Variants in EPHA5 observed in about 807,000 individuals in gnomAD.
EPHA5 encodes the protein ephrin type-A receptor 5.
EPHA5 carries 60 observed loss-of-function variants against 105.0 expected under a neutral mutation model. That is an observed-to-expected ratio of 0.57 (90% CI 0.46 to 0.71). The LOEUF is 0.71. Ranked by LOEUF, EPHA5 falls within the 30% of genes least tolerant of loss-of-function variation. The pLI is 0.00. For synonymous variants in EPHA5, 513 were observed against 449.1 expected, an observed-to-expected ratio of 1.14 and a Z score of -1.80; for missense variants, 1,218 against 1,274.7, an observed-to-expected ratio of 0.96 and a Z score of 0.68.
intron 3 of EPHA5, among the ~76,000 whole-genome samples, chr4:65,507,236 T>G (rs1733129531): frequency 6.6e-6 from 1 of 152,172 alleles, no homozygotes; most frequent in Non-Finnish European, 1.5e-5. Flanking sequence ...ATCTCTGTTT[T>G]GGTACCAGTA....
intron 2 of EPHA5, among the ~76,000 whole-genome samples, chr4:65,611,015 T>C (rs1744711902): frequency 6.6e-6 from 1 of 152,188 alleles, no homozygotes; most frequent in Admixed American, 6.5e-5. Flanking sequence ...AAGGTTTACA[T>C]AGTTGGTGAG....
chr4:65,425,643 TTAA>T (rs1398363362), intron 5 of EPHA5, among the ~76,000 whole-genome samples: 1 of 151,794 alleles, frequency 6.6e-6, no homozygotes, highest in Non-Finnish European at 1.5e-5. Flanking sequence ...ATAATTATTA[TTAA>T]TGCTTCTTTT....
chr4:65,326,299 C>G (rs535186350), intron 16 of EPHA5, among the ~76,000 whole-genome samples: 13 of 151,074 alleles, frequency 8.6e-5, no homozygotes, highest in African/African-American at 3.1e-4. Context: ...TATCAGGTAC[C>G]TGAAAACCAA....
chr4:65,324,742 C>CTTTTTTTTT (rs368440921), intron 16 of EPHA5, among the ~76,000 whole-genome samples: 12 of 131,270 alleles, frequency 9.1e-5, no homozygotes, highest in East Asian at 4.5e-4. Flanking sequence ...CAATGTTTTA[C>CTTTTTTTTT]TTTTTTTTTT....
At chr4:65,431,151 A>G (rs1337955406) in intron 5 of EPHA5, among the ~76,000 whole-genome samples, 1 of 152,166 alleles carries the variant, frequency 6.6e-6, no homozygotes. Flanking sequence ...GATTAACGGT[A>G]CACACAAAAT....
At chr4:65,347,963 C>T (rs1722378725) in intron 14 of EPHA5, 91 bp downstream of exon 14, 12 of 1,278,900 alleles carry the variant, frequency 9.4e-6, no homozygotes, top group Non-Finnish European at 1.2e-5. Context: ...TCTTAAGCAA[C>T]TGTCACTTTC....
intron 3 of EPHA5, among the ~76,000 whole-genome samples, chr4:65,521,664 A>G (rs1734734616): frequency 6.6e-6 from 1 of 152,030 alleles, no homozygotes. Flanking sequence ...AAGTATGCTG[A>G]GCTTGGGAAG....
intron 5 of EPHA5, among the ~76,000 whole-genome samples, chr4:65,487,614 A>G (rs947383763): frequency 6.6e-6 from 1 of 152,156 alleles, no homozygotes; most frequent in Admixed American, 6.6e-5. Flanking sequence ...AAACTGGCTC[A>G]TTTGGTCTTG....
At chr4:65,404,616 C>A in intron 7 of EPHA5, 137 bp from the exon 8 acceptor site, 1 of 657,426 alleles carries the variant, frequency 1.5e-6, no homozygotes, top group South Asian at 2.0e-5. Context: ...CCCTAATATC[C>A]TTTCTTAAAA....
intron 15 of EPHA5, among the ~76,000 whole-genome samples, chr4:65,333,192 T>C (rs1281801883): frequency 1.3e-5 from 2 of 151,222 alleles, no homozygotes; most frequent in Non-Finnish European, 2.9e-5. Context: ...GCCCATTATG[T>C]AAATTTACAT....
intron 5 of EPHA5, among the ~76,000 whole-genome samples, chr4:65,450,481 C>A (rs776332135): frequency 6.6e-5 from 10 of 152,128 alleles, no homozygotes; most frequent in Non-Finnish European, 1.3e-4. Context: ...CCACCCATGA[C>A]CATTATGCTG....
chr4:65,388,990 A>G (rs1247371121), intron 8 of EPHA5, among the ~76,000 whole-genome samples: 1 of 152,038 alleles, frequency 6.6e-6, no homozygotes, highest in Non-Finnish European at 1.5e-5. Context: ...TTCACTTATC[A>G]TGTAAATATT....
chr4:65,617,478 T>G (rs1443109262), intron 2 of EPHA5, among the ~76,000 whole-genome samples: 1 of 152,204 alleles, frequency 6.6e-6, no homozygotes, highest in Non-Finnish European at 1.5e-5. Flanking sequence ...ACAGCGATTT[T>G]CTTTACTTTT....
rs538413048 is a variant in EPHA5 at position 65,541,456 on chromosome 4, C to T, written c.911-45913G>A. Among the ~76,000 whole-genome samples, 12 of 151,886 alleles carry T rather than the reference C, an allele frequency of 7.9e-5. 1 individual carries two copies. Among genetic ancestry groups the T allele is most frequent in the African/African-American group, 2.4e-4 (10 of 41,480 alleles). On this transcript the variant is annotated intron_variant, in intron 3 of 16. Coordinates refer to ENST00000613740, the MANE Select transcript of EPHA5 (RefSeq NM_001281766.3). ...AAAAAGCAGGGGCTGCAATCCTAGT[C>T]TCTGACAAAACAGACTTTAAACCAA... is the stretch of plus-strand genomic sequence containing the variant.
chr4:65,572,206 T>C (rs1245686197), intron 3 of EPHA5, among the ~76,000 whole-genome samples: 2 of 152,116 alleles, frequency 1.3e-5, no homozygotes, highest in Non-Finnish European at 2.9e-5. Context: ...CTCATTAGCT[T>C]AATTATTATC....
intron 3 of EPHA5, among the ~76,000 whole-genome samples, chr4:65,564,412 C>T (rs1192158044): frequency 6.6e-6 from 1 of 151,644 alleles, no homozygotes; most frequent in Non-Finnish European, 1.5e-5. Flanking sequence ...ATTACTTATT[C>T]CTTTTCTTCC....
chr4:65,583,315 G>A (rs933035640), intron 3 of EPHA5, among the ~76,000 whole-genome samples: 2 of 151,464 alleles, frequency 1.3e-5, no homozygotes, highest in African/African-American at 4.8e-5. Flanking sequence ...TAATTTAAAA[G>A]TAAAAAAAGA....
intron 3 of EPHA5, among the ~76,000 whole-genome samples, chr4:65,600,752 G>A (rs1183547755): frequency 6.6e-6 from 1 of 152,108 alleles, no homozygotes. Context: ...TCAGGATCAT[G>A]AGGGTGAATA....
In EPHA5 at chr4:65,365,124, T is replaced by G. The variant is rs776845872; in HGVS notation, c.2066A>C (p.Lys689Thr). 6.2e-7 allele frequency: 1 copy of G among 1,611,750 alleles called. No individual in the cohort carries two copies. Among genetic ancestry groups the G allele is most frequent in the African/African-American group, 1.3e-5 (1 of 74,788 alleles). The change falls in exon 11 of 17, where the codon AAA becomes ACA. Residue 689 changes from lysine (K) to threonine (T), a missense_variant. By Grantham distance (78) the Lys-to-Thr change is moderately conservative (BLOSUM62 -1). Around this residue, in one of 3 missense-constraint regions of EPHA5, gnomAD observed 971 missense variants for 1,013.5 expected, o/e 0.96. Transcript: ENST00000613740. Reference sequence around the variant, plus strand: ...GCGTTGCTTTTCAGTATAGCCTACTTTAAGGGTTTTGATAGCCACAGGTAA... The same window carrying G: ...GCGTTGCTTTTCAGTATAGCCTACTGTAAGGGTTTTGATAGCCACAGGTAA... ...RELPVAIKTL[K>T]VGYTEKQRRD... is the part of the protein sequence containing the mutation.
Sources: allele counts gnomAD v4.1 joint callset (sites outside exome capture counted in the v4.1 genomes callset), GRCh38; gene constraint gnomAD v4.1.1; regional missense constraint gnomAD v4.1.1; transcripts MANE v1.5; gene names NCBI Gene and HGNC (gene_info 2026-07-23, HGNC 2026-07-21).